Variants in NPRL3 observed in about 807,000 individuals in gnomAD.
The protein encoded by NPRL3 is GATOR1 complex protein NPRL3.
Under a neutral mutation model 57.2 loss-of-function variants are expected in NPRL3, and 23 were observed. The observed-to-expected ratio is 0.40, with a 90% CI of 0.29 to 0.57. The LOEUF is 0.57. NPRL3 is among the 20% of genes least tolerant of loss of function. The probability of loss-of-function intolerance (pLI) is 0.42; values close to 1 mark genes in which losing one functional copy is unlikely to be tolerated. For missense variants in NPRL3, 691 were observed against 767.1 expected (o/e 0.90, Z 1.17); for synonymous variants, 333 against 321.1 (o/e 1.04, Z -0.39).
intron 9 of NPRL3, among the ~76,000 whole-genome samples, chr16:96,514 G>T (rs541819931): frequency 6.6e-5 from 10 of 152,070 alleles, no homozygotes; most frequent in Middle Eastern, 3.4e-3. Context: ...TCCAGCCCAT[G>T]AAGTCCAAAG....
chr16:86,448 G>A lies in NPRL3; in HGVS notation c.*257C>T. The A allele has an allele frequency of 4.3e-6, 2 of 470,032 alleles. No individual in the cohort carries two copies. The highest frequency in any genetic ancestry group is 6.8e-5 in the East Asian group (2 of 29,560). 29.1% of individuals were successfully genotyped at this position (470,032 alleles called of 1,614,324 possible). On this transcript the variant is annotated 3_prime_UTR_variant, in exon 14 of 14. Coordinates refer to ENST00000611875, the MANE Select transcript of NPRL3 (RefSeq NM_001077350.3). ...AGGAGTCCTGGCAGGCCCCCCTCCAGCGTGGAGATGCCTACGCGTGCGGCA... is the reference window on the plus strand; with the variant it reads ...AGGAGTCCTGGCAGGCCCCCCTCCAACGTGGAGATGCCTACGCGTGCGGCA...
chr16:117,311 A>G lies in NPRL3; in HGVS notation c.383T>C (p.Phe128Ser), dbSNP rs748774765. 1 of 1,611,024 alleles carries G rather than the reference A, an allele frequency of 6.2e-7. No individual in the cohort carries two copies. The highest frequency in any genetic ancestry group is 2.2e-5 in the East Asian group (1 of 44,860). ...APTMILFNVV[F>S]ALRANADPSV... ...TATATAAACACTCACCCTCAGTGCA[A>G]ACACCACATTAAAAAGAATCATAGT... Residue 128 changes from phenylalanine (F) to serine (S), a missense_variant, in exon 5 of 14, where the codon TTT (phenylalanine) becomes TCT (serine). Phe to Ser is a radical substitution (Grantham distance 155, BLOSUM62 -2). Transcript: ENST00000611875.
chr16:131,034 T>A (rs1266728093), intron 2 of NPRL3, among the ~76,000 whole-genome samples: 1 of 152,244 alleles, frequency 6.6e-6, no homozygotes, highest in Non-Finnish European at 1.5e-5. Flanking sequence ...ACAAATCTTA[T>A]GTTATCTTCA....
intron 9 of NPRL3, among the ~76,000 whole-genome samples, chr16:95,325 G>A (rs74000640): frequency 0.072 from 7,345 of 102,000 alleles, 853 homozygotes; most frequent in African/African-American, 0.24. Flanking sequence ...GTTTGTGTGT[G>A]TATATATATA....
intron 7 of NPRL3, among the ~76,000 whole-genome samples, chr16:102,683 G>A (rs1899350500): frequency 6.6e-6 from 1 of 152,208 alleles, no homozygotes; most frequent in Non-Finnish European, 1.5e-5. Flanking sequence ...ATCCGGCTAA[G>A]TCCGGGAGAC....
intron 5 of NPRL3, among the ~76,000 whole-genome samples, chr16:115,674 C>T (rs548222954): frequency 3.3e-4 from 50 of 152,232 alleles, no homozygotes; most frequent in African/African-American, 1.2e-3. Flanking sequence ...TTAGTAGAGA[C>T]GGGGTATCTC....
At position 88,874 on chromosome 16, in the gene NPRL3, C is replaced by A; in HGVS notation, c.1368G>T (p.Met456Ile). The A allele has an allele frequency of 6.2e-7, 1 of 1,611,458 alleles. No homozygotes were observed. Among genetic ancestry groups the A allele is most frequent in the South Asian group, 1.1e-5 (1 of 90,990 alleles). The change falls in exon 13 of 14, where the codon ATG becomes ATT. Residue 456 changes from methionine to isoleucine, a missense_variant. By Grantham distance (10) the Met-to-Ile change is conservative. Coordinates refer to ENST00000611875, the MANE Select transcript of NPRL3 (RefSeq NM_001077350.3). ...SFGSPTSSDD[M>I]TLTSPSMDNS... ...TGTCCATGCTGGGGCTGGTGAGGGT[C>A]ATGTCATCGCTGCTGGCTGTGGGGG...
At chr16:88,070 C>T (rs1490725833) in intron 13 of NPRL3, among the ~76,000 whole-genome samples, 2 of 152,144 alleles carry the variant, frequency 1.3e-5, no homozygotes, top group Non-Finnish European at 2.9e-5. Context: ...CGACCACTCC[C>T]GGGAAACTAT....
chr16:135,608 C>CAA (rs555589072), intron 2 of NPRL3, among the ~76,000 whole-genome samples: 639 of 55,052 alleles, frequency 0.012, 6 homozygotes, highest in African/African-American at 0.029. Flanking sequence ...GACTCTGTCT[C>CAA]AAAAAAAAAA....
chr16:104,927 T>G (rs1045668617), intron 7 of NPRL3, among the ~76,000 whole-genome samples: 2 of 152,074 alleles, frequency 1.3e-5, no homozygotes, highest in Middle Eastern at 3.2e-3. Flanking sequence ...AAGAGAAAGG[T>G]TTGTCACTGT....
chr16:115,773 T>A (rs763032), intron 5 of NPRL3, among the ~76,000 whole-genome samples: 152,385 of 152,386 alleles, frequency 1, 76,192 homozygotes, highest in Middle Eastern at 1. Context: ...GGCGTAAGCA[T>A]TTGTGCTCGG....
chr16:112,829 GAC>G, intron 5 of NPRL3, 54 bp from the exon 6 acceptor site: 13 of 1,483,796 alleles, frequency 8.8e-6, no homozygotes, highest in Non-Finnish European at 1.2e-5. Context: ...GACACAGCTG[GAC>G]ACAGTTTAAA....
At chr16:105,719 G>A (rs1247125570) in intron 7 of NPRL3, among the ~76,000 whole-genome samples, 2 of 152,232 alleles carry the variant, frequency 1.3e-5, no homozygotes, top group Admixed American at 6.5e-5. Flanking sequence ...ACATTCCGTC[G>A]ACCCCTAGCG....
At chr16:113,710 T>C (rs1364512105) in intron 5 of NPRL3, among the ~76,000 whole-genome samples, 1 of 152,208 alleles carries the variant, frequency 6.6e-6, no homozygotes, top group African/African-American at 2.4e-5. Flanking sequence ...ATGGTACTGC[T>C]GATTACAACC....
intron 12 of NPRL3, 187 bp from the exon 13 acceptor site, chr16:89,077 T>C: frequency 1.6e-6 from 1 of 610,948 alleles, no homozygotes; most frequent in Middle Eastern, 4.4e-4. Context: ...ACGGCTGACT[T>C]GGGAAACGGG....
chr16:87,868 CTTT>C (rs35061088), intron 13 of NPRL3, among the ~76,000 whole-genome samples: 91,492 of 137,350 alleles, frequency 0.67, 32,412 homozygotes, highest in Non-Finnish European at 0.79. Context: ...CCGCGCCTGA[CTTT>C]TTTTTTTTTT....
At chr16:117,410 G>A (rs912013686) in intron 4 of NPRL3, 35 bp from the exon 5 acceptor site, 16 of 1,458,452 alleles carry the variant, frequency 1.1e-5, no homozygotes, top group African/African-American at 2.8e-5. Flanking sequence ...TAATTGAGAC[G>A]ACTTTCTAAG....
At chr16:103,411 G>T (rs1437563003) in intron 7 of NPRL3, among the ~76,000 whole-genome samples, 1 of 146,478 alleles carries the variant, frequency 6.8e-6, no homozygotes, top group Non-Finnish European at 1.5e-5. Context: ...AAAGTGCTAG[G>T]ATTACAGGCG....
At chr16:137,045 TAAA>T (rs71391116) in intron 2 of NPRL3, among the ~76,000 whole-genome samples, 8 of 66,092 alleles carry the variant, frequency 1.2e-4, no homozygotes, top group African/African-American at 1.9e-4. Context: ...CCATCTCTAC[TAAA>T]AAAAAAAAAA....
Sources: allele counts gnomAD v4.1 joint callset (sites outside exome capture counted in the v4.1 genomes callset), GRCh38; gene constraint gnomAD v4.1.1; transcripts MANE v1.5; gene names NCBI Gene and HGNC (gene_info 2026-07-23, HGNC 2026-07-21).